The following PLEKHH1 variants were observed in gnomAD, a reference collection of about 807,000 sequenced individuals.
PLEKHH1 encodes pleckstrin homology domain-containing family H member 1.
In PLEKHH1, 104 loss-of-function variants were observed where a neutral mutation model predicts 160.0. The observed-to-expected ratio is 0.65, with a 90% CI of 0.55 to 0.76. The LOEUF (loss-of-function observed/expected upper bound fraction) is 0.76, where lower values mean the gene tolerates loss of function less well. Ranked by LOEUF, PLEKHH1 falls within the 30% of genes least tolerant of loss-of-function variation. The probability of loss-of-function intolerance (pLI) is 0.00; values close to 1 mark genes in which losing one functional copy is unlikely to be tolerated. For synonymous variants in PLEKHH1, 619 were observed against 678.4 expected, an observed-to-expected ratio of 0.91 and a Z score of 1.36; for missense variants, 1,427 against 1,724.1, an observed-to-expected ratio of 0.83 and a Z score of 3.05.
chr14:67,543,322 A>T (rs567254774), intron 2 of PLEKHH1, among the ~76,000 whole-genome samples: 1 of 152,308 alleles, frequency 6.6e-6, no homozygotes, highest in Admixed American at 6.5e-5. Context: ...ACTAGTCTGG[A>T]CTAGAACTCT....
In PLEKHH1 at chr14:67,575,955, C is replaced by T. The variant is rs764803700; in HGVS notation, c.2302C>T (p.Pro768Ser). The change falls in exon 16 of 29, where the codon CCC (proline) becomes TCC (serine). Residue 768 changes from proline to serine, a missense_variant. This residue lies in a region of PLEKHH1 where 436 missense variants were observed against 607.5 expected (regional missense o/e 0.72). Coordinates refer to ENST00000329153, the MANE Select transcript of PLEKHH1 (RefSeq NM_020715.3). ...CTCCCACTGCACCCTGGTGATCCAC[C>T]CCACAGAGCACAGCCCCACCTACCT... ...LSSHCTLVIH[P>S]TEHSPTYLLI... 6.2e-7 allele frequency: 1 copy of T among 1,613,952 alleles called. No homozygotes were observed. Among genetic ancestry groups the T allele is most frequent in the South Asian group, 1.1e-5 (1 of 91,076 alleles).
chr14:67,584,754 TTGCCTTCC>T (rs1313187291), intron 26 of PLEKHH1, among the ~76,000 whole-genome samples: 1 of 152,244 alleles, frequency 6.6e-6, no homozygotes, highest in Non-Finnish European at 1.5e-5. Context: ...GACACAGTCC[TTGCCTTCC>T]TGGAGCTTCC....
intron 2 of PLEKHH1, among the ~76,000 whole-genome samples, chr14:67,554,052 C>T (rs983095510): frequency 1.3e-5 from 2 of 152,142 alleles, no homozygotes; most frequent in Admixed American, 1.3e-4. Flanking sequence ...TTCGGATGAG[C>T]ATAACTCTAA....
At chr14:67,568,718 A>G (rs2035227840) in intron 7 of PLEKHH1, among the ~76,000 whole-genome samples, 2 of 152,126 alleles carry the variant, frequency 1.3e-5, no homozygotes, top group Non-Finnish European at 2.9e-5. Context: ...TGGCTTCCTC[A>G]TTACCAATAT....
intron 7 of PLEKHH1, among the ~76,000 whole-genome samples, chr14:67,564,494 G>T (rs1045702215): frequency 4.6e-5 from 7 of 152,090 alleles, no homozygotes; most frequent in African/African-American, 1.7e-4. Context: ...GTTTTACTCT[G>T]TCGCCCAGGC....
At position 67,555,906 on chromosome 14, in the gene PLEKHH1, C is replaced by T. The variant is rs1368279635; in HGVS notation, c.189+19C>T. ...GACCCAGGTAACCAGGGGAGGGGATCGGCGGGAATATGCAGGGGAATGACC... is the reference window on the plus strand; with the variant it reads ...GACCCAGGTAACCAGGGGAGGGGATTGGCGGGAATATGCAGGGGAATGACC... On this transcript the variant is annotated intron_variant, in intron 3 of 28. Transcript: ENST00000329153. 1.9e-6 allele frequency: 3 copies of T among 1,611,720 alleles called. No individual in the cohort carries two copies. Among genetic ancestry groups the T allele is most frequent in the Non-Finnish European group, 1.7e-6 (2 of 1,178,958 alleles).
At position 67,541,905 on chromosome 14, in the gene PLEKHH1, A is replaced by G; in HGVS notation, c.38A>G (p.Asp13Gly). The G allele has an allele frequency of 6.2e-7, 1 of 1,604,348 alleles. No homozygotes were observed. The highest frequency in any genetic ancestry group is 8.5e-7 in the Non-Finnish European group (1 of 1,175,482). Residue 13 changes from aspartate (D) to glycine (G), a missense_variant, in exon 2 of 29, where the codon GAC (aspartate) becomes GGC (glycine). This residue lies in a region of PLEKHH1 where 831 missense variants were observed against 929.2 expected (regional missense o/e 0.89). Transcript: ENST00000329153. ...ELKVEAPASV[D>G]WQKRCLTLET... ...AAGGTGGAGGCGCCGGCCAGCGTAG[A>G]CTGGCAGAAACGCTGCCTGACCCTG...
chr14:67,562,892 T>A lies in PLEKHH1; in HGVS notation c.1261T>A (p.Trp421Arg). ...PTPPLHQFSS[W>R]ESRIYAVATS... ...ACCCCCGCTGCACCAGTTTTCATCC[T>A]GGGTAAGAGGCAACCTCCGGGCTGG... The change falls in exon 7 of 29, where the codon TGG (tryptophan) becomes AGG (arginine). Residue 421 changes from tryptophan to arginine, a missense_variant and splice_region_variant. Trp to Arg is a moderately radical substitution (Grantham distance 101, BLOSUM62 -3). Transcript: ENST00000329153. 6.2e-7 allele frequency: 1 copy of A among 1,611,496 alleles called. No homozygotes were observed. Among genetic ancestry groups the A allele is most frequent in the African/African-American group, 1.3e-5 (1 of 74,946 alleles).
chr14:67,571,772 C>T lies in PLEKHH1; in HGVS notation c.1455C>T (p.Asn485=), dbSNP rs574674790. 2 of 1,614,002 alleles carry T rather than the reference C, an allele frequency of 1.2e-6. No homozygotes were observed. The highest frequency in any genetic ancestry group is 2.7e-5 in the African/African-American group (2 of 75,050). Residue 485 remains asparagine (N), a synonymous_variant, in exon 10 of 29, where the codon AAC becomes AAT. Transcript: ENST00000329153. The stretch of plus-strand genomic sequence containing the variant: ...TGCAGAGAGCTACACAGATCAGCAA[C>T]ATGCCCTTTATGGACGAGTCCTCTG... ...ALKGRATQIS[N]MPFMDESSGS...
rs547081274 is a variant in PLEKHH1 at position 67,564,329 on chromosome 14, C to A, written c.1263+1435C>A. ...TTACTTGTAACATTGGATAAAATGT[C>A]TTGATATCTGTCTGGTAGAAATACT... On this transcript the variant is annotated intron_variant, in intron 7 of 28. Transcript: ENST00000329153. Among the ~76,000 whole-genome samples the A allele has an allele frequency of 5.3e-5, 8 of 152,254 alleles. No individual in the cohort carries two copies. In the East Asian group the frequency reaches 1.2e-3, roughly 22 times the overall value.
chr14:67,557,619 A>C (rs2034647821), intron 4 of PLEKHH1, among the ~76,000 whole-genome samples: 2 of 152,226 alleles, frequency 1.3e-5, no homozygotes, highest in Admixed American at 6.5e-5. Flanking sequence ...CAGGGGATAG[A>C]GTAGAAAAAG....
At chr14:67,569,279 G>C in intron 8 of PLEKHH1, 63 bp downstream of exon 8, 1 of 1,224,926 alleles carries the variant, frequency 8.2e-7, no homozygotes, top group South Asian at 1.2e-5. Flanking sequence ...GGCAAGCGGG[G>C]AGGAGAAGAC....
intron 2 of PLEKHH1, among the ~76,000 whole-genome samples, chr14:67,552,722 G>A (rs1176844650): frequency 2.0e-5 from 3 of 151,356 alleles, no homozygotes; most frequent in Non-Finnish European, 4.4e-5. Context: ...AGCCGAGATC[G>A]CACCACTGCA....
intron 2 of PLEKHH1, among the ~76,000 whole-genome samples, chr14:67,543,984 G>A (rs993455709): frequency 3.3e-5 from 5 of 152,092 alleles, no homozygotes; most frequent in African/African-American, 1.2e-4. Flanking sequence ...AGTAATGTAA[G>A]GTTTGAAGTT....
intron 2 of PLEKHH1, among the ~76,000 whole-genome samples, chr14:67,549,356 C>T (rs745939661): frequency 4.6e-5 from 7 of 151,962 alleles, no homozygotes; most frequent in Non-Finnish European, 7.4e-5. Flanking sequence ...CTGCAACCTC[C>T]GCCTCCCAGG....
At chr14:67,560,247 G>A (rs1169670897) in intron 5 of PLEKHH1, among the ~76,000 whole-genome samples, 4 of 152,110 alleles carry the variant, frequency 2.6e-5, no homozygotes, top group South Asian at 2.1e-4. Context: ...GGCTGGTCTC[G>A]AACTCCTGAC....
chr14:67,578,023 T>G lies in PLEKHH1; in HGVS notation c.2575T>G (p.Ser859Ala), dbSNP rs775145792. Residue 859 changes from serine to alanine, a missense_variant and splice_region_variant, in exon 19 of 29, where the codon TCC becomes GCC. Ser to Ala is a moderately conservative substitution (Grantham distance 99, BLOSUM62 1). Coordinates refer to ENST00000329153, the MANE Select transcript of PLEKHH1 (RefSeq NM_020715.3). This position sits in a 1 kb window ranked among gnomAD's most constrained non-coding sequence, Gnocchi z 5.0. ...TGTGCTCACTGCTGTTCCCTCCCAGTCCTGCCAGCTCTTCATCAACGTGCC... is the reference window on the plus strand; with the variant it reads ...TGTGCTCACTGCTGTTCCCTCCCAGGCCTGCCAGCTCTTCATCAACGTGCC... The part of the protein sequence containing the change: ...LQTEALKLFK[S>A]CQLFINVPVE... The G allele has an allele frequency of 2.5e-6, 4 of 1,612,900 alleles. No homozygotes were observed. Among genetic ancestry groups the G allele is most frequent in the Middle Eastern group, 1.7e-4 (1 of 5,924 alleles).
chr14:67,583,610 G>GT (rs2036005817), intron 24 of PLEKHH1, 131 bp from the exon 25 acceptor site: 1 of 614,148 alleles, frequency 1.6e-6, no homozygotes, highest in East Asian at 2.9e-5. Context: ...TTTTTCTAAA[G>GT]TATTTTTCAC....
chr14:67,582,386 G>A lies in PLEKHH1; in HGVS notation c.3426+176G>A, dbSNP rs1048512332. On this transcript the variant is annotated intron_variant, in intron 24 of 28. Coordinates refer to ENST00000329153, the MANE Select transcript of PLEKHH1 (RefSeq NM_020715.3). This position sits in a 1 kb window ranked among gnomAD's most constrained non-coding sequence, Gnocchi z 5.0. Reference sequence around the variant, plus strand: ...TACAGATCAGAGCTCCTCACTCACCGCAGATATAGGATGCGTGCAGATGGC... The same window carrying A: ...TACAGATCAGAGCTCCTCACTCACCACAGATATAGGATGCGTGCAGATGGC... 1.6e-5 allele frequency: 17 copies of A among 1,079,310 alleles called. No homozygotes were observed. Among genetic ancestry groups the A allele is most frequent in the African/African-American group, 6.2e-5 (4 of 64,020 alleles). 66.9% of individuals were successfully genotyped at this position (1,079,310 alleles called of 1,614,324 possible).
Sources: gnomAD v4.1 joint callset for allele counts (sites outside exome capture counted in the v4.1 genomes callset) on GRCh38, gnomAD v4.1.1 for gene constraint, gnomAD v4.1.1 regional missense constraint, Gnocchi (gnomAD v3.1) non-coding constraint, MANE v1.5 for transcripts, NCBI Gene and HGNC (gene_info 2026-07-23, HGNC 2026-07-21) for gene names.